TNKS2: variants seen among roughly 807,000 people sequenced by gnomAD.
TNKS2 encodes the protein poly [ADP-ribose] polymerase tankyrase-2.
A neutral mutation model predicts 137.6 loss-of-function variants in TNKS2; 72 were observed. That is an observed-to-expected ratio of 0.52 (90% confidence interval 0.43 to 0.64). The LOEUF (loss-of-function observed/expected upper bound fraction) is 0.64, where lower values mean the gene tolerates loss of function less well. Among genes scored for constraint, TNKS2 ranks in the 30% least tolerant of loss-of-function variants. The pLI is 0.00. For missense variants in TNKS2, 1,049 were observed against 1,410.2 expected, an observed-to-expected ratio of 0.74 and a Z score of 4.10; for synonymous variants, 516 against 512.1, an observed-to-expected ratio of 1.01 and a Z score of -0.10.
intron 2 of TNKS2, among the ~76,000 whole-genome samples, chr10:91,815,267 A>G (rs1844647638): frequency 6.6e-6 from 1 of 152,084 alleles, no homozygotes. Flanking sequence ...ATCCCAAATC[A>G]CTATTTATGT....
chr10:91,798,746 A>T lies in TNKS2; in HGVS notation c.56A>T (p.Glu19Val). Residue 19 changes from glutamate (E) to valine (V), a missense_variant, in exon 1 of 27, where the codon GAG becomes GTG. Physicochemically the swap from Glu to Val is moderately radical, Grantham distance 121. This residue lies in a region of TNKS2 where 374 missense variants were observed against 460.8 expected (regional missense o/e 0.81). Transcript: ENST00000371627. ...GGAACASAAAEAVEPAARELF... is the reference protein window; with the variant it reads ...GGAACASAAAVAVEPAARELF... Reference sequence around the variant, plus strand: ...GCGGCCTGCGCGAGCGCCGCGGCCGAGGCCGTGGAGCCGGCCGCCCGAGAG... The same window carrying T: ...GCGGCCTGCGCGAGCGCCGCGGCCGTGGCCGTGGAGCCGGCCGCCCGAGAG... 2 of 1,249,346 alleles carry T rather than the reference A, an allele frequency of 1.6e-6. No individual in the cohort carries two copies. Among genetic ancestry groups the T allele is most frequent in the Non-Finnish European group, 2.0e-6 (2 of 991,636 alleles). The allele number at this position is 1,249,346 out of a possible 1,614,324, so 77.4% of individuals were successfully genotyped here.
At chr10:91,816,468 G>A (rs906423575) in intron 2 of TNKS2, among the ~76,000 whole-genome samples, 6 of 152,106 alleles carry the variant, frequency 3.9e-5, no homozygotes, top group Non-Finnish European at 8.8e-5. Context: ...CGGTTTCAAT[G>A]TACCTACTCC....
At chr10:91,809,164 T>G (rs1027484169) in intron 1 of TNKS2, among the ~76,000 whole-genome samples, 1 of 152,214 alleles carries the variant, frequency 6.6e-6, no homozygotes, top group African/African-American at 2.4e-5. Context: ...AAACACTATC[T>G]TTAAAGATAT....
At chr10:91,857,025 A>C (rs1195498618) in intron 23 of TNKS2, among the ~76,000 whole-genome samples, 6 of 152,136 alleles carry the variant, frequency 3.9e-5, no homozygotes, top group Non-Finnish European at 7.4e-5. Flanking sequence ...TCTTAATTTA[A>C]AACAGATTAA....
At chr10:91,825,771 T>C (rs1235095690) in intron 7 of TNKS2, among the ~76,000 whole-genome samples, 1 of 152,204 alleles carries the variant, frequency 6.6e-6, no homozygotes, top group African/African-American at 2.4e-5. Flanking sequence ...TACTTGGAAA[T>C]GGCTAAAATT....
chr10:91,836,383 C>G (rs1486303520), intron 12 of TNKS2, among the ~76,000 whole-genome samples: 1 of 152,030 alleles, frequency 6.6e-6, no homozygotes, highest in Non-Finnish European at 1.5e-5. Flanking sequence ...TTCTAAGGTG[C>G]AAGGTAGATG....
At chr10:91,808,317 C>T (rs1231249040) in intron 1 of TNKS2, among the ~76,000 whole-genome samples, 1 of 151,602 alleles carries the variant, frequency 6.6e-6, no homozygotes, top group African/African-American at 2.4e-5. Context: ...TGTACCAAGT[C>T]GCTGACATAC....
chr10:91,821,189 C>T (rs992051041), intron 6 of TNKS2, among the ~76,000 whole-genome samples: 2 of 152,120 alleles, frequency 1.3e-5, no homozygotes, highest in South Asian at 4.1e-4. Flanking sequence ...AGGTGCACAC[C>T]ACCACGCCTG....
At position 91,822,331 on chromosome 10, in the gene TNKS2, G is replaced by A. The variant is rs1263164340; in HGVS notation, c.764G>A (p.Gly255Asp). The A allele has an allele frequency of 9.3e-6, 15 of 1,613,388 alleles. No homozygotes were observed. Among genetic ancestry groups the A allele is most frequent in the Non-Finnish European group, 1.3e-5 (15 of 1,179,696 alleles). ...LVPLHNACSY[G>D]HYEVTELLVK... ...CCATTACACAATGCCTGTTCTTATG[G>A]TCATTATGAAGTAACTGAACTTTTG... is the stretch of plus-strand genomic sequence containing the variant. Residue 255 changes from glycine (G) to aspartate (D), a missense_variant, in exon 7 of 27, where the codon GGT (glycine) becomes GAT (aspartate). By Grantham distance (94) the Gly-to-Asp change is moderately conservative. Transcript: ENST00000371627.
chr10:91,852,595 G>T (rs933397199), intron 21 of TNKS2, among the ~76,000 whole-genome samples: 1 of 152,194 alleles, frequency 6.6e-6, no homozygotes, highest in African/African-American at 2.4e-5. Context: ...TGTTTTAAGT[G>T]TCAAAACCAC....
At chr10:91,856,442 A>T (rs574378354) in intron 23 of TNKS2, among the ~76,000 whole-genome samples, 5 of 152,344 alleles carry the variant, frequency 3.3e-5, no homozygotes, top group Non-Finnish European at 5.9e-5. Flanking sequence ...TTCATAACAT[A>T]CTATGAGTAT....
Position 91,813,077 on chromosome 10 carries a change from A to T in TNKS2, c.294A>T (p.Ala98=). 6.2e-7 allele frequency: 1 copy of T among 1,614,178 alleles called. No homozygotes were observed. Among genetic ancestry groups the T allele is most frequent in the Non-Finnish European group, 8.5e-7 (1 of 1,180,028 alleles). ...GGGGCCTTATTCCTCTTCATAATGC[A>T]TGCTCTTTTGGTCATGCTGAAGTAG... ...DDGGLIPLHN[A]CSFGHAEVVN... The change falls in exon 2 of 27, where the codon GCA becomes GCT. Residue 98 remains alanine (A), a synonymous_variant. Transcript: ENST00000371627.
chr10:91,819,621 A>G, intron 5 of TNKS2, 64 bp downstream of exon 5: 1 of 1,239,168 alleles, frequency 8.1e-7, no homozygotes, highest in East Asian at 2.4e-5. Context: ...AGATGTGTTT[A>G]TCTTATGATA....
At chr10:91,850,915 G>A (rs1286703971) in intron 20 of TNKS2, among the ~76,000 whole-genome samples, 1 of 152,216 alleles carries the variant, frequency 6.6e-6, no homozygotes, top group East Asian at 1.9e-4. Context: ...ACTTGGCATA[G>A]TCCAGACTCA....
rs938453322 is a variant in TNKS2, at chr10:91,864,362, T to C, written c.*1363T>C. The C allele has an allele frequency of 1.3e-5, 2 of 152,632 alleles. No individual in the cohort carries two copies. Among genetic ancestry groups the C allele is most frequent in the African/African-American group, 4.8e-5 (2 of 41,460 alleles). 9.5% of individuals were successfully genotyped at this position (152,632 alleles called of 1,614,324 possible). On this transcript the variant is annotated 3_prime_UTR_variant, in exon 27 of 27. Transcript: ENST00000371627. ...CTTTTCCAGGAAGCATGCTTAAGCATCTTGTTACAGAGACATACATCCATT... is the reference window on the plus strand; with the variant it reads ...CTTTTCCAGGAAGCATGCTTAAGCACCTTGTTACAGAGACATACATCCATT...
At chr10:91,825,576 C>T (rs1328964609) in intron 7 of TNKS2, among the ~76,000 whole-genome samples, 11 of 152,128 alleles carry the variant, frequency 7.2e-5, no homozygotes, top group African/African-American at 2.2e-4. Context: ...TAGAAGAAAG[C>T]TTTGTAACAA....
intron 13 of TNKS2, 67 bp downstream of exon 13, chr10:91,837,065 C>T: frequency 6.7e-7 from 1 of 1,500,094 alleles, no homozygotes; most frequent in Non-Finnish European, 9.1e-7. Context: ...TTAATCTGTA[C>T]TGTTACAATG....
At position 91,798,643 on chromosome 10, in the gene TNKS2, C is replaced by T; in HGVS notation, c.-48C>T. On this transcript the variant is annotated 5_prime_UTR_variant, in exon 1 of 27. Transcript: ENST00000371627. ...CCTCCTGCTCGCGGGGCCGGGGCTCCTGCTCCGGTTGCTGGCGCTGTTGCT... is the reference window on the plus strand; with the variant it reads ...CCTCCTGCTCGCGGGGCCGGGGCTCTTGCTCCGGTTGCTGGCGCTGTTGCT... 1 of 1,215,232 alleles carries T rather than the reference C, an allele frequency of 8.2e-7. No individual in the cohort carries two copies. The highest frequency in any genetic ancestry group is 1.0e-6 in the Non-Finnish European group (1 of 976,832). 75.3% of individuals were successfully genotyped at this position (1,215,232 alleles called of 1,614,324 possible).
intron 18 of TNKS2, among the ~76,000 whole-genome samples, chr10:91,846,250 GTTAC>G (rs1224762786): frequency 6.6e-6 from 1 of 152,192 alleles, no homozygotes. Flanking sequence ...AGAAAATGCT[GTTAC>G]TTATAGTGCA....
Sources: allele counts gnomAD v4.1 joint callset (sites outside exome capture counted in the v4.1 genomes callset), GRCh38; gene constraint gnomAD v4.1.1; regional missense constraint gnomAD v4.1.1; transcripts MANE v1.5; gene names NCBI Gene and HGNC (gene_info 2026-07-23, HGNC 2026-07-21).